Variants in SH3BGRL2 observed in about 807,000 individuals in gnomAD.
The protein encoded by SH3BGRL2 is SH3 domain-binding glutamic acid-rich-like protein 2.
In SH3BGRL2, 21 loss-of-function variants were observed where a neutral mutation model predicts 14.8. The observed-to-expected ratio is 1.42, with a 90% confidence interval of 1.01 to 2.05. The LOEUF (loss-of-function observed/expected upper bound fraction) is 2.05, where lower values mean the gene tolerates loss of function less well. Ranked by LOEUF, SH3BGRL2 falls within the 30% of genes most tolerant of loss-of-function variation. SH3BGRL2 has a pLI of 0.00. For missense variants in SH3BGRL2, 147 were observed against 130.8 expected (o/e 1.12, Z -0.61); for synonymous variants, 50 against 47.8 (o/e 1.05, Z -0.19).
chr6:79,559,495 A>G, the SH3BGRL2 span, among the ~76,000 whole-genome samples: 42 of 152,228 alleles, frequency 2.8e-4, no homozygotes, highest in Non-Finnish European at 5.4e-4. Flanking sequence ...AAAGATGTCA[A>G]TATTATAAAA....
the SH3BGRL2 span, among the ~76,000 whole-genome samples, chr6:79,621,391 C>A: frequency 6.6e-6 from 1 of 152,190 alleles, no homozygotes; most frequent in East Asian, 1.9e-4. Flanking sequence ...ACCTGGAGAG[C>A]TATCTAGCCC....
chr6:79,599,037 C>T, the SH3BGRL2 span, among the ~76,000 whole-genome samples: 32 of 146,230 alleles, frequency 2.2e-4, no homozygotes, highest in African/African-American at 3.8e-4. Context: ...GCCAAGATTG[C>T]GCCATTGCAC....
the SH3BGRL2 span, among the ~76,000 whole-genome samples, chr6:79,566,149 C>T: frequency 2.6e-5 from 4 of 152,100 alleles, no homozygotes; most frequent in South Asian, 2.1e-4. Flanking sequence ...AGCCCAGAAC[C>T]GGTGTTCAAC....
At chr6:79,589,190 C>CTATA in the SH3BGRL2 span, among the ~76,000 whole-genome samples, 119 of 142,574 alleles carry the variant, frequency 8.3e-4, no homozygotes, top group South Asian at 1.1e-3. Context: ...TGAAATTATC[C>CTATA]TATATATATA....
chr6:79,625,215 T>C, the SH3BGRL2 span, among the ~76,000 whole-genome samples: 3 of 143,560 alleles, frequency 2.1e-5, no homozygotes, highest in African/African-American at 8.0e-5. Context: ...TACATATATA[T>C]ACACACACAT....
At chr6:79,580,537 T>C in the SH3BGRL2 span, among the ~76,000 whole-genome samples, 6 of 152,314 alleles carry the variant, frequency 3.9e-5, no homozygotes, top group Non-Finnish European at 5.9e-5. Context: ...TGCTTCTGAA[T>C]GACTACTGGG....
At chr6:79,648,806 G>C (rs924998238) in intron 1 of SH3BGRL2, among the ~76,000 whole-genome samples, 1 of 152,214 alleles carries the variant, frequency 6.6e-6, no homozygotes. Context: ...CGGGATTAGA[G>C]TGTAGCTAGA....
chr6:79,575,610 TC>T, the SH3BGRL2 span: 1 of 152,108 alleles, frequency 6.6e-6, no homozygotes, highest in Non-Finnish European at 1.5e-5. Flanking sequence ...GGATAATAGA[TC>T]AAGTAACCCT....
chr6:79,693,990 A>G (rs367891701), intron 2 of SH3BGRL2, among the ~76,000 whole-genome samples: 1 of 152,326 alleles, frequency 6.6e-6, no homozygotes, highest in East Asian at 1.9e-4. Context: ...TACAGGGCCC[A>G]GTAAATAGTG....
chr6:79,551,488 A>G, the SH3BGRL2 span, among the ~76,000 whole-genome samples: 1 of 152,186 alleles, frequency 6.6e-6, no homozygotes, highest in Non-Finnish European at 1.5e-5. Flanking sequence ...TAATTTTAGA[A>G]AAGGAGAGGA....
the SH3BGRL2 span, among the ~76,000 whole-genome samples, chr6:79,623,783 T>A: frequency 6.6e-6 from 1 of 152,222 alleles, no homozygotes; most frequent in African/African-American, 2.4e-5. Flanking sequence ...ATGTTCATAA[T>A]TTCCATTCAG....
intron 2 of SH3BGRL2, among the ~76,000 whole-genome samples, chr6:79,687,334 C>T (rs1582738191): frequency 6.6e-6 from 1 of 151,946 alleles, no homozygotes. Context: ...GGTTCCTGTT[C>T]CTAGTTTTTT....
intron 2 of SH3BGRL2, among the ~76,000 whole-genome samples, chr6:79,678,852 A>G (rs891053701): frequency 2.0e-5 from 3 of 152,144 alleles, no homozygotes; most frequent in African/African-American, 7.2e-5. Context: ...TCCCATTTAT[A>G]TGTGAGAACA....
chr6:79,628,918 G>A (rs896637918), upstream of SH3BGRL2, among the ~76,000 whole-genome samples: 3 of 152,146 alleles, frequency 2.0e-5, no homozygotes, highest in African/African-American at 4.8e-5. Context: ...CAGATATAGG[G>A]ATATTACACA....
rs199820073 is a variant in SH3BGRL2 at position 79,659,922 on chromosome 6, G to C, written c.46-13692G>C. Among the ~76,000 whole-genome samples, 4 of 151,342 alleles carry C rather than the reference G, an allele frequency of 2.6e-5. No homozygotes were observed. In the East Asian group the frequency reaches 5.8e-4, roughly 22 times the overall value. Reference sequence around the variant, plus strand: ...AGGAATTGTAAATGGGAGTTCACTCGTGATTTGGCTCTCTGTTTGTCTGTT... The same window carrying C: ...AGGAATTGTAAATGGGAGTTCACTCCTGATTTGGCTCTCTGTTTGTCTGTT... On this transcript the variant is annotated intron_variant, in intron 1 of 3. Coordinates refer to ENST00000369838, the MANE Select transcript of SH3BGRL2 (RefSeq NM_031469.4).
At chr6:79,679,125 G>A (rs556961856) in intron 2 of SH3BGRL2, among the ~76,000 whole-genome samples, 1 of 152,030 alleles carries the variant, frequency 6.6e-6, no homozygotes, top group East Asian at 1.9e-4. Context: ...TTTTCTTTTG[G>A]GTATATACAC....
chr6:79,624,451 A>G, the SH3BGRL2 span, among the ~76,000 whole-genome samples: 58 of 152,168 alleles, frequency 3.8e-4, no homozygotes, highest in African/African-American at 1.3e-3. Flanking sequence ...CAAAAACAAT[A>G]TCTGATATTT....
chr6:79,568,617 T>G, the SH3BGRL2 span, among the ~76,000 whole-genome samples: 1 of 152,164 alleles, frequency 6.6e-6, no homozygotes, highest in Admixed American at 6.5e-5. Context: ...AGATAATGAT[T>G]ACCTAGGAAG....
chr6:79,694,674 C>T (rs951312183), intron 2 of SH3BGRL2, among the ~76,000 whole-genome samples: 1 of 152,264 alleles, frequency 6.6e-6, no homozygotes, highest in African/African-American at 2.4e-5. Flanking sequence ...ACCTTCCCTT[C>T]AGATTGTTTT....
Sources: gnomAD v4.1 joint callset for allele counts (sites outside exome capture counted in the v4.1 genomes callset) on GRCh38, gnomAD v4.1.1 for gene constraint, MANE v1.5 for transcripts, NCBI Gene and HGNC (gene_info 2026-07-23, HGNC 2026-07-21) for gene names.